Variants in DCAF1 observed in about 807,000 individuals in gnomAD.
The protein encoded by DCAF1 is DDB1- and CUL4-associated factor 1.
DCAF1 carries 15 observed loss-of-function variants against 128.0 expected under a neutral mutation model. The observed-to-expected ratio is 0.12, with a 90% CI of 0.08 to 0.18. The LOEUF is 0.18. Among genes scored for constraint, DCAF1 ranks in the 10% least tolerant of loss-of-function variants. The probability of loss-of-function intolerance (pLI) is 1.00; values close to 1 mark genes in which losing one functional copy is unlikely to be tolerated. For missense variants in DCAF1, 988 were observed against 1,649.5 expected, an observed-to-expected ratio of 0.60 and a Z score of 6.95; for synonymous variants, 610 against 603.0, an observed-to-expected ratio of 1.01 and a Z score of -0.17.
intron 4 of DCAF1, among the ~76,000 whole-genome samples, chr3:51,469,196 A>T (rs1468797750): frequency 6.9e-6 from 1 of 145,266 alleles, no homozygotes; most frequent in Non-Finnish European, 1.5e-5. Flanking sequence ...ACTCGCACTC[A>T]TTCACATTCT....
chr3:51,414,066 A>C (rs924075912), intron 19 of DCAF1, 23 bp from the exon 20 acceptor site: 1 of 1,565,688 alleles, frequency 6.4e-7, no homozygotes, highest in Non-Finnish European at 8.6e-7. Context: ...TGGTCAAGGA[A>C]AACTATTTTA....
At position 51,449,753 on chromosome 3, in the gene DCAF1, G is replaced by A. The variant is rs187062122; in HGVS notation, c.376-5850C>T. Among the ~76,000 whole-genome samples, 33 of 152,156 alleles carry A rather than the reference G, an allele frequency of 2.2e-4. 1 individual carries two copies. Among genetic ancestry groups the A allele is most frequent in the African/African-American group, 7.0e-4 (29 of 41,532 alleles). ...AACAAAATTGACAAACTTTTGGCAA[G>A]ACAGGTCAAGAATAAAAGAGAGGAC... On this transcript the variant is annotated intron_variant, in intron 6 of 24. Coordinates refer to ENST00000684031, the MANE Select transcript of DCAF1 (RefSeq NM_001387579.1).
intron 5 of DCAF1, 93 bp downstream of exon 5, chr3:51,466,710 G>A (rs1160474303): frequency 4.7e-6 from 6 of 1,266,086 alleles, no homozygotes; most frequent in Non-Finnish European, 6.7e-6. Context: ...CTTTGTCAAG[G>A]CCTTAGGAGA....
intron 7 of DCAF1, 96 bp downstream of exon 7, chr3:51,443,670 G>A (rs782448463): frequency 6.2e-6 from 7 of 1,120,694 alleles, no homozygotes; most frequent in Non-Finnish European, 8.4e-6. Context: ...TCCAGTACAA[G>A]ATAATCAATA....
At chr3:51,500,331 G>A (rs1553663778), upstream of DCAF1, among the ~76,000 whole-genome samples, 1 of 152,004 alleles carries the variant, frequency 6.6e-6, no homozygotes, top group African/African-American at 2.4e-5. Flanking sequence ...AGTGAAAAGT[G>A]AGGGAGCCAA....
chr3:51,423,211 G>A (rs1699573962), intron 13 of DCAF1, among the ~76,000 whole-genome samples: 1 of 152,234 alleles, frequency 6.6e-6, no homozygotes, highest in Non-Finnish European at 1.5e-5. Context: ...AATCAGGCCA[G>A]GGCCAGGCGT....
chr3:51,426,941 A>T (rs1179220270), intron 13 of DCAF1, among the ~76,000 whole-genome samples: 1 of 152,188 alleles, frequency 6.6e-6, no homozygotes, highest in Non-Finnish European at 1.5e-5. Context: ...AATTTGTGAA[A>T]ATCCTAACAG....
intron 5 of DCAF1, among the ~76,000 whole-genome samples, chr3:51,463,940 G>C (rs782776614): frequency 6.6e-6 from 1 of 151,856 alleles, no homozygotes; most frequent in South Asian, 2.1e-4. Flanking sequence ...CTGCAGTCTC[G>C]ACCTCCCAGT....
intron 23 of DCAF1, among the ~76,000 whole-genome samples, chr3:51,406,965 G>A (rs991620861): frequency 1.3e-5 from 2 of 152,102 alleles, no homozygotes; most frequent in African/African-American, 2.4e-5. Context: ...AGGCCAAGGC[G>A]GGTGGATCAC....
At chr3:51,457,824 G>T (rs1703090480) in intron 6 of DCAF1, among the ~76,000 whole-genome samples, 8 of 152,154 alleles carry the variant, frequency 5.3e-5, no homozygotes, top group Admixed American at 5.2e-4. Flanking sequence ...CGCTTCATAA[G>T]TGAAGGAGAA....
intron 9 of DCAF1, chr3:51,438,052 T>C (rs1167406154): frequency 2.4e-6 from 1 of 420,338 alleles, no homozygotes; most frequent in Non-Finnish European, 4.6e-6. Flanking sequence ...CTTAAAATTT[T>C]ACTTATTACA....
chr3:51,502,898 C>T (rs1334528858), upstream of DCAF1, among the ~76,000 whole-genome samples: 1 of 152,178 alleles, frequency 6.6e-6, no homozygotes, highest in African/African-American at 2.4e-5. Flanking sequence ...TCCAAGTGTG[C>T]TTGGTGGCAT....
chr3:51,407,634 T>C (rs1031494555), intron 23 of DCAF1, among the ~76,000 whole-genome samples: 9 of 152,214 alleles, frequency 5.9e-5, no homozygotes, highest in African/African-American at 2.2e-4. Context: ...CAATTACTTA[T>C]CTTGGGTTTT....
chr3:51,444,057 G>GT (rs782200640), intron 6 of DCAF1, among the ~76,000 whole-genome samples, 154 bp from the exon 7 acceptor site: 36 of 152,176 alleles, frequency 2.4e-4, no homozygotes, highest in Admixed American at 4.6e-4. Flanking sequence ...AGGTTCCTTA[G>GT]TTATATAAAG....
chr3:51,483,836 C>A lies in DCAF1; in HGVS notation c.-8G>T, dbSNP rs782051917. ...TACCACTACTGTAGTCATGGCTTTG[C>A]CTAAGGAAGCAAAAATAAAAATAAA... On this transcript the variant is annotated splice_region_variant and 5_prime_UTR_variant, in exon 3 of 25. Transcript: ENST00000684031. 6.3e-7 allele frequency: 1 copy of A among 1,591,514 alleles called. No individual in the cohort carries two copies. Among genetic ancestry groups the A allele is most frequent in the Non-Finnish European group, 8.6e-7 (1 of 1,164,684 alleles).
intron 21 of DCAF1, 52 bp from the exon 22 acceptor site, chr3:51,413,118 A>C: frequency 5.0e-6 from 8 of 1,607,784 alleles, no homozygotes; most frequent in Non-Finnish European, 6.8e-6. Context: ...TGTGACCCTA[A>C]AACCTGCTTT....
intron 9 of DCAF1, chr3:51,438,026 C>T (rs1553637442): frequency 8.4e-6 from 3 of 359,220 alleles, no homozygotes; most frequent in South Asian, 2.2e-5. Context: ...TAGTTTTATA[C>T]CTGTTATATG....
At chr3:51,414,504 G>T in intron 19 of DCAF1, 120 bp downstream of exon 19, 1 of 1,382,632 alleles carries the variant, frequency 7.2e-7, no homozygotes. Flanking sequence ...CAAAGGACAG[G>T]CACCATATTA....
chr3:51,433,852 A>G (rs926361928), intron 9 of DCAF1, among the ~76,000 whole-genome samples: 61 of 150,604 alleles, frequency 4.1e-4, no homozygotes, highest in Middle Eastern at 3.4e-3. Context: ...AGGCCAAGGT[A>G]GGCAGATCAC....
Sources: allele counts gnomAD v4.1 joint callset (sites outside exome capture counted in the v4.1 genomes callset), GRCh38; gene constraint gnomAD v4.1.1; transcripts MANE v1.5; gene names NCBI Gene and HGNC (gene_info 2026-07-23, HGNC 2026-07-21).